Variants in CDH4 observed in about 807,000 individuals in gnomAD.
The protein encoded by CDH4 is cadherin-4.
A neutral mutation model predicts 86.0 loss-of-function variants in CDH4; 33 were observed. The ratio of observed to expected loss-of-function variants is 0.38; its 90% CI spans 0.29 to 0.51. The LOEUF (loss-of-function observed/expected upper bound fraction) is 0.51. Among genes scored for constraint, CDH4 ranks in the 20% least tolerant of loss-of-function variants. The pLI, the probability that CDH4 is intolerant of heterozygous loss-of-function variation, is 0.86. For missense variants in CDH4, 1,114 were observed against 1,307.4 expected (o/e 0.85, Z 2.28); for synonymous variants, 555 against 549.4 (o/e 1.01, Z -0.14).
chr20:61,376,870 T>C (rs1286025910), intron 2 of CDH4, among the ~76,000 whole-genome samples: 1 of 152,224 alleles, frequency 6.6e-6, no homozygotes, highest in Non-Finnish European at 1.5e-5. Context: ...CTCTCCTCTC[T>C]AGCACTTCCC....
intron 2 of CDH4, among the ~76,000 whole-genome samples, chr20:61,737,087 C>T (rs2088275381): frequency 6.6e-6 from 1 of 152,154 alleles, no homozygotes; most frequent in African/African-American, 2.4e-5. Flanking sequence ...GCATTCGTTG[C>T]TCCTCGTGTT....
At chr20:61,605,342 T>TCA (rs1270204859) in intron 2 of CDH4, among the ~76,000 whole-genome samples, 1 of 152,026 alleles carries the variant, frequency 6.6e-6, no homozygotes, top group Non-Finnish European at 1.5e-5. Flanking sequence ...TCTCTGTGTG[T>TCA]CTCTCTCTGT....
At chr20:61,888,087 G>A (rs1984628258) in intron 7 of CDH4, among the ~76,000 whole-genome samples, 1 of 152,222 alleles carries the variant, frequency 6.6e-6, no homozygotes, top group Non-Finnish European at 1.5e-5. Context: ...CCACAGCGAG[G>A]CTGCCTGCTG....
At chr20:61,556,251 G>T (rs1238717205) in intron 2 of CDH4, among the ~76,000 whole-genome samples, 1 of 148,450 alleles carries the variant, frequency 6.7e-6, no homozygotes, top group African/African-American at 2.5e-5. Flanking sequence ...GCAAATGCAG[G>T]CTTTGTCCTC....
intron 4 of CDH4, among the ~76,000 whole-genome samples, chr20:61,821,614 C>T (rs1033331105): frequency 6.6e-5 from 10 of 152,190 alleles, no homozygotes; most frequent in African/African-American, 2.2e-4. Context: ...GTGAGGAGGA[C>T]GCAGTTAAGG....
chr20:61,478,713 C>T (rs73318389), intron 2 of CDH4, among the ~76,000 whole-genome samples: 15 of 152,124 alleles, frequency 9.9e-5, no homozygotes, highest in Admixed American at 1.3e-4. Context: ...ATCACGGTGA[C>T]GTGAAAAATG....
chr20:61,271,988 C>CG (rs756123831), intron 2 of CDH4, among the ~76,000 whole-genome samples: 1 of 152,158 alleles, frequency 6.6e-6, no homozygotes, highest in Non-Finnish European at 1.5e-5. Context: ...CCAGAGAGAG[C>CG]GGGGGACCGG....
chr20:61,369,052 T>C (rs142257809), intron 2 of CDH4, among the ~76,000 whole-genome samples: 183 of 152,232 alleles, frequency 1.2e-3, no homozygotes, highest in Admixed American at 2.9e-3. Context: ...CCTACTATCG[T>C]CAAAAATGCC....
At chr20:61,645,125 A>T (rs1242015521) in intron 2 of CDH4, among the ~76,000 whole-genome samples, 1 of 152,208 alleles carries the variant, frequency 6.6e-6, no homozygotes, top group East Asian at 1.9e-4. Context: ...AGCACACTCA[A>T]GTTAGTTACT....
chr20:61,421,133 T>G (rs1210089996), intron 2 of CDH4, among the ~76,000 whole-genome samples: 1 of 152,216 alleles, frequency 6.6e-6, no homozygotes, highest in Non-Finnish European at 1.5e-5. Flanking sequence ...TTACAGCCCT[T>G]TTCCGTGGGG....
intron 2 of CDH4, among the ~76,000 whole-genome samples, chr20:61,407,127 A>T (rs1275634753): frequency 6.6e-6 from 1 of 152,226 alleles, no homozygotes; most frequent in African/African-American, 2.4e-5. Context: ...AAGATGTACC[A>T]CTTGCAAGGT....
chr20:61,463,592 G>T (rs1025529726), intron 2 of CDH4, among the ~76,000 whole-genome samples: 2 of 152,180 alleles, frequency 1.3e-5, no homozygotes, highest in African/African-American at 4.8e-5. Context: ...GAAGACAATG[G>T]CTTCAAATGT....
At chr20:61,661,884 G>A (rs976945110) in intron 2 of CDH4, among the ~76,000 whole-genome samples, 14 of 152,138 alleles carry the variant, frequency 9.2e-5, no homozygotes, top group African/African-American at 3.4e-4. Context: ...TCATTCACTT[G>A]ATATTGTGCC....
intron 4 of CDH4, among the ~76,000 whole-genome samples, chr20:61,842,811 G>C (rs1384783802): frequency 6.6e-6 from 1 of 152,080 alleles, no homozygotes; most frequent in Non-Finnish European, 1.5e-5. Flanking sequence ...TTCCTTGTGG[G>C]ATTGAGCGTT....
At chr20:61,620,618 A>G (rs1026568524) in intron 2 of CDH4, among the ~76,000 whole-genome samples, 9 of 152,222 alleles carry the variant, frequency 5.9e-5, no homozygotes, top group African/African-American at 2.2e-4. Flanking sequence ...TAGTGGTGAA[A>G]ATTGCTACTT....
chr20:61,888,678 A>G (rs1984654043), intron 7 of CDH4, among the ~76,000 whole-genome samples: 2 of 152,222 alleles, frequency 1.3e-5, no homozygotes, highest in South Asian at 2.1e-4. Context: ...TGCTGTTTCC[A>G]TGATGTCCAT....
In CDH4 at chr20:61,765,818, C is replaced by G. The variant is rs553107792; in HGVS notation, c.397-7185C>G. ...AGGGGACTGGCAGGGCTCCCACCCT[C>G]CCATCTCAAACCCTCATCCAGGGAG... On this transcript the variant is annotated intron_variant, in intron 3 of 15. Coordinates refer to ENST00000614565, the MANE Select transcript of CDH4 (RefSeq NM_001794.5). 7.4e-4 allele frequency among the ~76,000 whole-genome samples: 113 copies of G among 152,158 alleles called. 1 individual carries two copies. The highest frequency in any genetic ancestry group is 2.6e-3 in the African/African-American group (108 of 41,538).
At chr20:61,819,480 TC>T (rs1980906688) in intron 4 of CDH4, among the ~76,000 whole-genome samples, 1 of 152,186 alleles carries the variant, frequency 6.6e-6, no homozygotes, top group South Asian at 2.1e-4. Flanking sequence ...TTTCCACGTC[TC>T]CCCAAATGCG....
chr20:61,855,790 A>G (rs1982972570), intron 6 of CDH4, among the ~76,000 whole-genome samples: 1 of 152,254 alleles, frequency 6.6e-6, no homozygotes, highest in Non-Finnish European at 1.5e-5. Context: ...TGGCAGCCAG[A>G]GGACATGTTG....
Sources: allele counts gnomAD v4.1 joint callset (sites outside exome capture counted in the v4.1 genomes callset), GRCh38; gene constraint gnomAD v4.1.1; transcripts MANE v1.5; gene names NCBI Gene and HGNC (gene_info 2026-07-23, HGNC 2026-07-21).